SDCCAG8: variants seen among roughly 807,000 people sequenced by gnomAD.
SDCCAG8 encodes the protein SHH signaling and ciliogenesis regulator SDCCAG8, also known as serologically defined colon cancer antigen 8.
In SDCCAG8, 74 loss-of-function variants were observed where a neutral mutation model predicts 101.8. The observed-to-expected ratio is 0.73, with a 90% CI of 0.60 to 0.88. The LOEUF is 0.88. SDCCAG8 is among the 40% of genes least tolerant of loss of function. SDCCAG8 has a pLI of 0.00. For missense variants in SDCCAG8, 787 were observed against 822.6 expected (o/e 0.96, Z 0.53); for synonymous variants, 281 against 292.9 (o/e 0.96, Z 0.41).
At chr1:243,443,434 G>T (rs2082680313) in intron 16 of SDCCAG8, among the ~76,000 whole-genome samples, 1 of 152,120 alleles carries the variant, frequency 6.6e-6, no homozygotes, top group African/African-American at 2.4e-5. Context: ...ATCACTCAAT[G>T]GGACTTGGGA....
In SDCCAG8 at chr1:243,452,927, C is replaced by T. The variant is rs1334528955; in HGVS notation, c.1985+26369C>T. Among the ~76,000 whole-genome samples the T allele has an allele frequency of 4.6e-5, 7 of 152,214 alleles. 1 individual carries two copies. The South Asian group carries it at 1.4e-3, about 31-fold the overall frequency. ...TTGAAGAACTGAGTGACTCTTCTTA[C>T]TCTGTTGTTTTCCTTCTCTGAACTG... is the stretch of plus-strand genomic sequence containing the variant. On this transcript the variant is annotated intron_variant, in intron 16 of 17. Coordinates refer to ENST00000366541, the MANE Select transcript of SDCCAG8 (RefSeq NM_006642.5).
intron 16 of SDCCAG8, among the ~76,000 whole-genome samples, chr1:243,450,999 G>A (rs1344540478): frequency 1.3e-5 from 2 of 152,234 alleles, no homozygotes; most frequent in African/African-American, 4.8e-5. Flanking sequence ...TGAAAAAGAA[G>A]TGTTTATTGA....
chr1:243,492,604 G>GTTTTTTTTTT (rs74162289), intron 17 of SDCCAG8, among the ~76,000 whole-genome samples: 3 of 58,866 alleles, frequency 5.1e-5, no homozygotes, highest in African/African-American at 6.9e-5. Context: ...GCGCCCAGCT[G>GTTTTTTTTTT]TTTTTTTTTT....
chr1:243,431,873 TC>T (rs931834839), intron 16 of SDCCAG8, among the ~76,000 whole-genome samples: 1 of 152,064 alleles, frequency 6.6e-6, no homozygotes, highest in African/African-American at 2.4e-5. Context: ...AGGAGTTTTT[TC>T]CCCCTTTTGT....
intron 5 of SDCCAG8, among the ~76,000 whole-genome samples, chr1:243,287,181 C>G (rs150829303): frequency 1.1e-3 from 167 of 152,288 alleles, no homozygotes; most frequent in Middle Eastern, 0.01. Context: ...TATCAGAGTA[C>G]TTTTGTCTTA....
At chr1:243,334,941 A>G (rs1247697538) in intron 10 of SDCCAG8, among the ~76,000 whole-genome samples, 1 of 152,046 alleles carries the variant, frequency 6.6e-6, no homozygotes, top group Non-Finnish European at 1.5e-5. Context: ...CTGAATTGGG[A>G]CCGTCTCCTG....
intron 11 of SDCCAG8, 152 bp from the exon 12 acceptor site, chr1:243,344,063 C>A: frequency 1.5e-6 from 1 of 652,266 alleles, no homozygotes; most frequent in Non-Finnish European, 2.8e-6. Flanking sequence ...TCTTAACAAG[C>A]TACGTTGAAT....
At chr1:243,402,359 G>A (rs1001463700) in intron 13 of SDCCAG8, among the ~76,000 whole-genome samples, 2 of 150,824 alleles carry the variant, frequency 1.3e-5, no homozygotes, top group Admixed American at 1.3e-4. Context: ...GAACCCGGGA[G>A]GCGGAGGTTG....
chr1:243,380,464 G>C lies in SDCCAG8; in HGVS notation c.1616+1601G>C, dbSNP rs868294345. ...GCTTCAGTAAATAAATATTAATGCT[G>C]GTTTTGCCCCTTTTGCCATTCTGTC... is the stretch of plus-strand genomic sequence containing the variant. On this transcript the variant is annotated intron_variant, in intron 13 of 17. Transcript: ENST00000366541. Among the ~76,000 whole-genome samples, 3 of 152,228 alleles carry C rather than the reference G, an allele frequency of 2.0e-5. No individual in the cohort carries two copies. The Middle Eastern group carries it at 0.01, about 521-fold the overall frequency.
At chr1:243,435,738 A>ATATG (rs1553356671) in intron 16 of SDCCAG8, among the ~76,000 whole-genome samples, 1 of 150,212 alleles carries the variant, frequency 6.7e-6, no homozygotes, top group African/African-American at 2.5e-5. Context: ...GAACATGTGA[A>ATATG]TGTGTGTGTG....
intron 16 of SDCCAG8, among the ~76,000 whole-genome samples, chr1:243,477,736 C>T (rs1423136350): frequency 6.6e-6 from 1 of 152,224 alleles, no homozygotes; most frequent in African/African-American, 2.4e-5. Context: ...GTCCCCTTGG[C>T]CATGGGCCCA....
intron 10 of SDCCAG8, chr1:243,338,606 T>G (rs907900020): frequency 6.6e-6 from 1 of 152,166 alleles, no homozygotes; most frequent in Non-Finnish European, 1.5e-5. Context: ...CATTGATCAT[T>G]TATTTATTGA....
At chr1:243,318,498 A>G (rs2073463701) in intron 9 of SDCCAG8, 1 of 951,216 alleles carries the variant, frequency 1.1e-6, no homozygotes, top group African/African-American at 1.8e-5. Flanking sequence ...GTACCCCCGA[A>G]CCTAAAATAA....
intron 16 of SDCCAG8, chr1:243,476,388 G>T: frequency 1.0e-6 from 1 of 982,980 alleles, no homozygotes; most frequent in Non-Finnish European, 1.2e-6. Flanking sequence ...ATTGAATCTG[G>T]TTACTTAGCT....
intron 16 of SDCCAG8, among the ~76,000 whole-genome samples, chr1:243,469,997 C>T (rs1335757164): frequency 7.1e-6 from 1 of 141,766 alleles, no homozygotes; most frequent in Non-Finnish European, 1.6e-5. Flanking sequence ...TCTTTGTTAC[C>T]AAAAAAAAAA....
At chr1:243,486,028 G>A (rs2994328) in intron 16 of SDCCAG8, among the ~76,000 whole-genome samples, 41,245 of 151,368 alleles carry the variant, frequency 0.27, 6,141 homozygotes, top group African/African-American at 0.39. Flanking sequence ...GAGAAACCCC[G>A]TCTCTACTAA....
chr1:243,369,313 A>G (rs1056637113), intron 12 of SDCCAG8, among the ~76,000 whole-genome samples: 6 of 152,258 alleles, frequency 3.9e-5, no homozygotes, highest in African/African-American at 1.2e-4. Context: ...TGAAATTACC[A>G]CATAGTGTTG....
intron 9 of SDCCAG8, among the ~76,000 whole-genome samples, chr1:243,324,811 C>A (rs1173253601): frequency 6.6e-6 from 1 of 152,164 alleles, no homozygotes; most frequent in East Asian, 1.9e-4. Flanking sequence ...ACAAATCTGG[C>A]CCCATTCTAA....
At chr1:243,263,872 G>C (rs1178894151) in intron 1 of SDCCAG8, among the ~76,000 whole-genome samples, 1 of 152,112 alleles carries the variant, frequency 6.6e-6, no homozygotes, top group African/African-American at 2.4e-5. Context: ...TTTATATCTT[G>C]GTAGTGTTAC....
Sources: gnomAD v4.1 joint callset for allele counts (sites outside exome capture counted in the v4.1 genomes callset) on GRCh38, gnomAD v4.1.1 for gene constraint, MANE v1.5 for transcripts, NCBI Gene and HGNC (gene_info 2026-07-23, HGNC 2026-07-21) for gene names.